Variants in ZNF600 observed in about 807,000 individuals in gnomAD.
ZNF600 encodes zinc finger protein KR-ZNF1.
Under a neutral mutation model 7.3 loss-of-function variants are expected in ZNF600, and 4 were observed. That is an observed-to-expected ratio of 0.55 (90% CI 0.27 to 1.25). ZNF600 has a LOEUF of 1.25. Ranked by LOEUF, ZNF600 falls within the 50% of genes most tolerant of loss-of-function variation. The pLI is 0.12. For missense variants in ZNF600, 911 were observed against 922.1 expected (o/e 0.99, Z 0.16); for synonymous variants, 290 against 308.9 (o/e 0.94, Z 0.64).
chr19:52,807,741 C>A, the ZNF600 span: 1 of 544,580 alleles, frequency 1.8e-6, no homozygotes, highest in Non-Finnish European at 3.1e-6. Context: ...TCCCAAGGTG[C>A]TGGGATAACA....
the ZNF600 span, chr19:52,810,393 G>A: frequency 1.9e-6 from 3 of 1,604,864 alleles, no homozygotes; most frequent in East Asian, 2.2e-5. Flanking sequence ...AGTCAACCAC[G>A]TTACCATACT....
At chr19:52,801,207 T>G in the ZNF600 span, 2 of 1,614,122 alleles carry the variant, frequency 1.2e-6, no homozygotes, top group Non-Finnish European at 1.7e-6. Context: ...TTGGAAAGAT[T>G]TTTCTCTCAT....
At chr19:52,780,993 G>A (rs1243247366) in intron 1 of ZNF600, 1 of 152,300 alleles carries the variant, frequency 6.6e-6, no homozygotes, top group East Asian at 1.9e-4. Flanking sequence ...ATGCCTGTTT[G>A]ATGACCCAGG....
At chr19:52,771,048 G>A (rs569947212) in intron 3 of ZNF600, among the ~76,000 whole-genome samples, 9 of 152,142 alleles carry the variant, frequency 5.9e-5, no homozygotes, top group Admixed American at 3.3e-4. Context: ...GGTCAGGCTC[G>A]TTTCAATCTC....
At chr19:52,765,032 G>A (rs907630800) in exon 4 of ZNF600, 2 of 283,542 alleles carry the variant, frequency 7.1e-6, no homozygotes, top group African/African-American at 4.5e-5. Flanking sequence ...AACCACACCT[G>A]GCCCAATCCT....
chr19:52,791,218 C>T (rs374272401), upstream of ZNF600, among the ~76,000 whole-genome samples: 50 of 152,358 alleles, frequency 3.3e-4, 1 homozygote, highest in South Asian at 3.3e-3. Context: ...GGCTGTGCAG[C>T]AGCACTGACA....
At chr19:52,817,380 AT>A in the ZNF600 span, among the ~76,000 whole-genome samples, 3 of 152,326 alleles carry the variant, frequency 2.0e-5, no homozygotes, top group South Asian at 6.2e-4. Context: ...TTCAAAAAAA[AT>A]AATAATAATG....
chr19:52,832,956 G>A, the ZNF600 span, among the ~76,000 whole-genome samples: 642 of 152,062 alleles, frequency 4.2e-3, 8 homozygotes, highest in African/African-American at 0.014. Flanking sequence ...ATTTTTATTA[G>A]AGATGAGGTT....
At chr19:52,831,827 A>T in the ZNF600 span, among the ~76,000 whole-genome samples, 603 of 151,930 alleles carry the variant, frequency 4.0e-3, 5 homozygotes, top group African/African-American at 0.014. Flanking sequence ...TTTAGTAGAT[A>T]CAGGGTTTCC....
At chr19:52,820,791 A>C in the ZNF600 span, among the ~76,000 whole-genome samples, 1 of 151,800 alleles carries the variant, frequency 6.6e-6, no homozygotes, top group African/African-American at 2.4e-5. Flanking sequence ...CTTATCTTTT[A>C]TCACTTTTGC....
intron 1 of ZNF600, among the ~76,000 whole-genome samples, chr19:52,782,091 C>G (rs780871061): frequency 5.3e-5 from 8 of 151,684 alleles, no homozygotes; most frequent in East Asian, 1.9e-4. Context: ...AGCCAGGCCT[C>G]GTGGGGCGTG....
At chr19:52,816,101 G>A in the ZNF600 span, among the ~76,000 whole-genome samples, 1 of 147,632 alleles carries the variant, frequency 6.8e-6, no homozygotes, top group African/African-American at 2.6e-5. Context: ...TGGAAGGAGG[G>A]TGGAGGATGT....
At chr19:52,822,074 C>CTTTTTTTTTTTTTTT in the ZNF600 span, among the ~76,000 whole-genome samples, 14 of 78,688 alleles carry the variant, frequency 1.8e-4, 1 homozygote, top group African/African-American at 5.9e-4. Context: ...TTCTTTTTCC[C>CTTTTTTTTTTTTTTT]TTTTTTTTTT....
chr19:52,805,279 A>G, the ZNF600 span: 1 of 150,942 alleles, frequency 6.6e-6, no homozygotes, highest in Non-Finnish European at 1.5e-5. Context: ...CAAAGAAAAA[A>G]AAAAAAGAAA....
the ZNF600 span, among the ~76,000 whole-genome samples, chr19:52,814,075 C>G: frequency 2.7e-5 from 4 of 145,996 alleles, 1 homozygote; most frequent in African/African-American, 1.1e-4. Context: ...TCTTCTAAAG[C>G]CTCATAATGC....
At chr19:52,829,621 G>A in the ZNF600 span, among the ~76,000 whole-genome samples, 4 of 152,046 alleles carry the variant, frequency 2.6e-5, no homozygotes, top group East Asian at 1.9e-4. Context: ...TGATCTGCCC[G>A]TCTCGGCCGC....
the ZNF600 span, among the ~76,000 whole-genome samples, chr19:52,821,918 AAATAAAAAAAT>A: frequency 2.6e-4 from 29 of 111,128 alleles, no homozygotes; most frequent in East Asian, 4.5e-3. Context: ...AAAAATAAAA[AAATAAAAAAAT>A]AATAAAAAAA....
At chr19:52,824,026 T>C in the ZNF600 span, among the ~76,000 whole-genome samples, 2 of 151,386 alleles carry the variant, frequency 1.3e-5, no homozygotes, top group Non-Finnish European at 2.9e-5. Flanking sequence ...GATCACGCCA[T>C]TGCACTCCAG....
exon 4 of ZNF600, chr19:52,765,130 G>A: frequency 2.5e-6 from 1 of 404,978 alleles, no homozygotes; most frequent in Non-Finnish European, 5.0e-6. Context: ...TGACTCTAGT[G>A]TCAATTAATG....
Sources: gnomAD v4.1 joint callset for allele counts (sites outside exome capture counted in the v4.1 genomes callset) on GRCh38, gnomAD v4.1.1 for gene constraint, MANE v1.5 for transcripts, NCBI Gene and HGNC (gene_info 2026-07-23, HGNC 2026-07-21) for gene names.